The following NRXN3 variants were observed in gnomAD, a reference collection of about 807,000 sequenced individuals.
The protein encoded by NRXN3 is neurexin 3.
NRXN3 carries 32 observed loss-of-function variants against 137.6 expected under a neutral mutation model. That is an observed-to-expected ratio of 0.23 (90% CI 0.18 to 0.31). NRXN3 has a LOEUF of 0.31. NRXN3 is among the 10% of genes least tolerant of loss of function. NRXN3 has a pLI of 1.00. For missense variants in NRXN3, 1,574 were observed against 2,062.5 expected (o/e 0.76, Z 4.59); for synonymous variants, 798 against 784.5 (o/e 1.02, Z -0.29).
Position 79,761,154 on chromosome 14 carries a change from A to G in NRXN3, c.4015-43958A>G, listed in dbSNP as rs1489615212. Among the ~76,000 whole-genome samples the G allele has an allele frequency of 2.0e-5, 3 of 151,594 alleles. No individual in the cohort carries two copies. The East Asian group carries it at 5.8e-4, about 29-fold the overall frequency. ...TTTAATATATTTTTATATATTTAAT[A>G]TTTGTCTTCTGTTGTTGACCTTAGC... On this transcript the variant is annotated intron_variant, in intron 19 of 20. Coordinates refer to ENST00000335750, the MANE Select transcript of NRXN3 (RefSeq NM_001330195.2).
intron 16 of NRXN3, among the ~76,000 whole-genome samples, chr14:79,573,972 T>C (rs910145695): frequency 6.6e-6 from 1 of 152,124 alleles, no homozygotes; most frequent in East Asian, 1.9e-4. Context: ...ATGAAGTGTA[T>C]GGGCAACCCA....
intron 4 of NRXN3, among the ~76,000 whole-genome samples, chr14:78,485,428 A>T (rs142025295): frequency 5.3e-4 from 80 of 152,294 alleles, no homozygotes; most frequent in African/African-American, 1.9e-3. Flanking sequence ...TCGTCTTCAG[A>T]TGACTACAAT....
In NRXN3 at chr14:79,009,621, C is replaced by T. The variant is rs562348983; in HGVS notation, c.3262+21480C>T. 2.3e-3 allele frequency among the ~76,000 whole-genome samples: 345 copies of T among 152,252 alleles called. 2 individuals are homozygous for T. Among genetic ancestry groups the T allele is most frequent in the South Asian group, 5.2e-3 (25 of 4,822 alleles). On this transcript the variant is annotated intron_variant, in intron 15 of 20. Transcript: ENST00000335750. Reference sequence around the variant, plus strand: ...ATCAGACAGGGGTATTTCATATCATCCATTTCCAGTGAGAACTGTGGTAAA... The same window carrying T: ...ATCAGACAGGGGTATTTCATATCATTCATTTCCAGTGAGAACTGTGGTAAA...
chr14:79,596,470 GT>G lies in NRXN3; in HGVS notation c.3445-67307del, dbSNP rs930690984. 1.1e-3 allele frequency among the ~76,000 whole-genome samples: 164 copies of G among 152,218 alleles called. 1 individual carries two copies. The highest frequency in any genetic ancestry group is 3.9e-3 in the African/African-American group (160 of 41,520). ...ATGTGTTCTGAACCAAGAGATCCCT[GT>G]AAGAGTTAAAGAAACAGGAAAGAAA... On this transcript the variant is annotated intron_variant, in intron 16 of 20. Coordinates refer to ENST00000335750, the MANE Select transcript of NRXN3 (RefSeq NM_001330195.2).
intron 15 of NRXN3, among the ~76,000 whole-genome samples, chr14:79,297,709 A>G (rs556624057): frequency 6.6e-6 from 1 of 152,292 alleles, no homozygotes; most frequent in South Asian, 2.1e-4. Context: ...GAGGCTAGAT[A>G]GATGGAGATG....
chr14:79,709,906 C>CTGTT (rs768566733), intron 19 of NRXN3, among the ~76,000 whole-genome samples: 7 of 151,538 alleles, frequency 4.6e-5, no homozygotes, highest in Non-Finnish European at 7.4e-5. Flanking sequence ...TCTATCTATC[C>CTGTT]TGTTAGAGGA....
At chr14:78,807,642 G>A (rs955942097) in intron 9 of NRXN3, among the ~76,000 whole-genome samples, 5 of 151,098 alleles carry the variant, frequency 3.3e-5, no homozygotes, top group African/African-American at 1.2e-4. Context: ...GGCTGAGGCA[G>A]GAGAATCGCT....
At chr14:79,392,630 A>G (rs2094886904) in intron 15 of NRXN3, among the ~76,000 whole-genome samples, 1 of 152,132 alleles carries the variant, frequency 6.6e-6, no homozygotes, top group African/African-American at 2.4e-5. Flanking sequence ...GCAAATCAAA[A>G]CCACAATGAG....
At chr14:78,551,882 GA>G (rs2096694716) in intron 4 of NRXN3, among the ~76,000 whole-genome samples, 2 of 151,868 alleles carry the variant, frequency 1.3e-5, no homozygotes, top group Admixed American at 6.6e-5. Flanking sequence ...CTTTCTGTAA[GA>G]AAAAAAGTCA....
At chr14:78,762,659 C>T (rs975375115) in intron 8 of NRXN3, among the ~76,000 whole-genome samples, 3 of 152,178 alleles carry the variant, frequency 2.0e-5, no homozygotes, top group African/African-American at 7.2e-5. Context: ...GCAATCAGTG[C>T]TGTTTCCTCA....
intron 20 of NRXN3, among the ~76,000 whole-genome samples, chr14:79,827,841 C>T (rs1421832219): frequency 2.0e-5 from 3 of 152,036 alleles, no homozygotes; most frequent in Non-Finnish European, 1.5e-5. Context: ...ATTACAGGCT[C>T]ATGCCACCAC....
chr14:78,731,061 C>G (rs1364214108), intron 8 of NRXN3, among the ~76,000 whole-genome samples: 1 of 152,028 alleles, frequency 6.6e-6, no homozygotes, highest in Non-Finnish European at 1.5e-5. Context: ...GCCTGTGATC[C>G]TTTCAAACCA....
chr14:79,405,535 C>T (rs958509301), intron 15 of NRXN3, among the ~76,000 whole-genome samples: 1 of 152,140 alleles, frequency 6.6e-6, no homozygotes, highest in Admixed American at 6.6e-5. Context: ...TAAATCATCA[C>T]TTCTCAGGCA....
intron 3 of NRXN3, among the ~76,000 whole-genome samples, chr14:78,282,814 C>T (rs2074595778): frequency 6.6e-6 from 1 of 152,208 alleles, no homozygotes; most frequent in Non-Finnish European, 1.5e-5. Context: ...CCAGCCTGAA[C>T]CCAAAGCTTG....
intron 2 of NRXN3, among the ~76,000 whole-genome samples, chr14:78,260,333 G>A (rs1371742096): frequency 1.3e-5 from 2 of 152,164 alleles, no homozygotes; most frequent in Non-Finnish European, 2.9e-5. Context: ...GAGGTCCAGG[G>A]CTTTTACTGG....
chr14:79,507,749 G>A (rs1166682520), intron 16 of NRXN3, among the ~76,000 whole-genome samples: 1 of 152,146 alleles, frequency 6.6e-6, no homozygotes, highest in African/African-American at 2.4e-5. Flanking sequence ...TTATAGATGA[G>A]ATCTTTCTTT....
chr14:79,331,145 C>A (rs1268939736), intron 15 of NRXN3, among the ~76,000 whole-genome samples: 2 of 152,092 alleles, frequency 1.3e-5, no homozygotes, highest in African/African-American at 4.8e-5. Flanking sequence ...TTTCCAGTAA[C>A]TTAGGATGCT....
chr14:79,670,765 C>G (rs952846353), intron 17 of NRXN3, among the ~76,000 whole-genome samples: 3 of 152,224 alleles, frequency 2.0e-5, no homozygotes, highest in South Asian at 4.1e-4. Flanking sequence ...TACCTTAAAG[C>G]ATTGCATGAA....
At chr14:78,586,757 C>T (rs1368400745) in intron 4 of NRXN3, among the ~76,000 whole-genome samples, 1 of 152,206 alleles carries the variant, frequency 6.6e-6, no homozygotes, top group Non-Finnish European at 1.5e-5. Context: ...AGCCCTTCAG[C>T]ATCTGCTTTT....
Sources: gnomAD v4.1 joint callset for allele counts (sites outside exome capture counted in the v4.1 genomes callset) on GRCh38, gnomAD v4.1.1 for gene constraint, MANE v1.5 for transcripts, NCBI Gene and HGNC (gene_info 2026-07-23, HGNC 2026-07-21) for gene names.